The following FAM83E variants were observed in gnomAD, a reference collection of about 807,000 sequenced individuals.
The protein encoded by FAM83E is protein FAM83E.
FAM83E carries 29 observed loss-of-function variants against 34.3 expected under a neutral mutation model. The ratio of observed to expected loss-of-function variants is 0.85; its 90% CI spans 0.63 to 1.15. The LOEUF (loss-of-function observed/expected upper bound fraction) is 1.15. Among genes scored for constraint, FAM83E ranks in the 50% most tolerant of loss-of-function variants. The pLI, the probability that FAM83E is intolerant of heterozygous loss-of-function variation, is 0.00. For missense variants in FAM83E, 697 were observed against 685.0 expected, an observed-to-expected ratio of 1.02 and a Z score of -0.20; for synonymous variants, 312 against 311.6, an observed-to-expected ratio of 1.00 and a Z score of -0.01.
In FAM83E at chr19:48,614,644, G is replaced by A; in HGVS notation, c.-1255-17C>T. On this transcript the variant is annotated splice_polypyrimidine_tract_variant and intron_variant, in intron 2 of 6. Coordinates refer to ENST00000263266, the MANE Select transcript of FAM83E (RefSeq NM_017708.4). ...AGCAGGGAGCTGCAAAGAGAAGAAAGGAGTCAAGGCAGGCCAGCCTCCCCG... is the reference window on the plus strand; with the variant it reads ...AGCAGGGAGCTGCAAAGAGAAGAAAAGAGTCAAGGCAGGCCAGCCTCCCCG... The A allele has an allele frequency of 1.0e-6, 1 of 983,618 alleles. No individual in the cohort carries two copies. Among genetic ancestry groups the A allele is most frequent in the Non-Finnish European group, 1.2e-6 (1 of 828,846 alleles). 60.9% of individuals were successfully genotyped at this position (983,618 alleles called of 1,614,324 possible).
rs188762504 is a variant in FAM83E, at chr19:48,614,089, C to T, written c.-717G>A. The stretch of plus-strand genomic sequence containing the variant: ...TCTCACCCGCAGACCAGCCAGGATG[C>T]CTCTCCACTGGGCCTGCTCGCTCAG... On this transcript the variant is annotated 5_prime_UTR_variant, in exon 3 of 7. Transcript: ENST00000263266. The T allele has an allele frequency of 1.7e-3, 1,661 of 985,762 alleles. 2 individuals carry two copies. The highest frequency in any genetic ancestry group is 1.8e-3 in the Non-Finnish European group (1,503 of 830,188). 61.1% of individuals were successfully genotyped at this position (985,762 alleles called of 1,614,324 possible). A position where few individuals can be genotyped will look rare whatever the true frequency, so the allele number is the denominator to read the frequency against.
rs1243466750 is a variant in FAM83E at position 48,602,732 on chromosome 19, T to A, written c.1176+762A>T. ...ATATATATATATATATATATATATA[T>A]ATATATATATATATATATATAGCTT... On this transcript the variant is annotated intron_variant, in intron 6 of 6. Coordinates refer to ENST00000263266, the MANE Select transcript of FAM83E (RefSeq NM_017708.4). 1.3e-3 allele frequency among the ~76,000 whole-genome samples: 131 copies of A among 100,584 alleles called. 13 individuals carry two copies. Among genetic ancestry groups the A allele is most frequent in the African/African-American group, 3.6e-3 (88 of 24,618 alleles). The allele number at this position is 100,584 out of a possible 152,430, so 66.0% of individuals were successfully genotyped here. A position where few individuals can be genotyped will look rare whatever the true frequency, so the allele number is the denominator to read the frequency against.
In FAM83E at chr19:48,601,198, C is replaced by T. The variant is rs78207410; in HGVS notation, c.1348G>A (p.Gly450Ser). The T allele has an allele frequency of 1.9e-5, 30 of 1,612,342 alleles. No homozygotes were observed. The highest frequency in any genetic ancestry group is 8.9e-5 in the East Asian group (4 of 44,814). The part of the protein sequence containing the change: ...RYLSPARRRF[G>S]GDATFKLQEP... ...TGAAGTTTGAATGTAGCATCCCCAC[C>T]GAACCGCCTTCGGGCTGGGGACAGA... The change falls in exon 7 of 7, where the codon GGT becomes AGT. Residue 450 changes from glycine (G) to serine (S), a missense_variant. By Grantham distance (56) the Gly-to-Ser change is moderately conservative. Transcript: ENST00000263266.
intron 5 of FAM83E, among the ~76,000 whole-genome samples, chr19:48,604,299 C>T (rs1322424736): frequency 1.4e-5 from 2 of 142,758 alleles, no homozygotes; most frequent in African/African-American, 5.3e-5. Flanking sequence ...GAGACTGAGG[C>T]GGGAGGATCC....
At chr19:48,605,672 T>A (rs1973914249) in intron 5 of FAM83E, among the ~76,000 whole-genome samples, 1 of 150,672 alleles carries the variant, frequency 6.6e-6, no homozygotes, top group Admixed American at 6.6e-5. Context: ...GGTTCAAGCC[T>A]CCCAAGTAGC....
rs1316048162 is a variant in FAM83E, at chr19:48,600,357, A to C, written c.*752T>G. 2.6e-5 allele frequency among the ~76,000 whole-genome samples: 4 copies of C among 152,186 alleles called. No individual in the cohort carries two copies. Among genetic ancestry groups the C allele is most frequent in the African/African-American group, 9.6e-5 (4 of 41,460 alleles). ...GCCCAAGTCCTTTTTTTTGTTTGAG[A>C]TGAAATCTCGCTCTGTCACCCAGGC... On this transcript the variant is annotated 3_prime_UTR_variant, in exon 7 of 7. Transcript: ENST00000263266.
At chr19:48,610,905 CAG>C in intron 3 of FAM83E, 58 bp from the exon 4 acceptor site, 1 of 1,523,028 alleles carries the variant, frequency 6.6e-7, no homozygotes, top group South Asian at 1.2e-5. Context: ...AGGGGACACT[CAG>C]AGGGTGTGGG....
Position 48,613,638 on chromosome 19 carries a change from C to A in FAM83E, c.-266G>T, listed in dbSNP as rs1974092464. ...CGCCACCTGCCTGCACCCAGTGGCA[C>A]CATGCCTGGCTGGCCTTCCGTGACC... is the stretch of plus-strand genomic sequence containing the variant. On this transcript the variant is annotated 5_prime_UTR_variant, in exon 3 of 7. Transcript: ENST00000263266. 1 of 1,326,486 alleles carries A rather than the reference C, an allele frequency of 7.5e-7. No homozygotes were observed. Among genetic ancestry groups the A allele is most frequent in the South Asian group, 2.0e-5 (1 of 49,656 alleles). The allele number at this position is 1,326,486 out of a possible 1,614,324, so 82.2% of individuals were successfully genotyped here.
intron 6 of FAM83E, among the ~76,000 whole-genome samples, chr19:48,602,705 ATATATATATATATATATATATATATATAT>A (rs1205634736): frequency 1.0e-4 from 3 of 29,428 alleles, no homozygotes; most frequent in African/African-American, 5.1e-4. Flanking sequence ...AAAAAAAAAA[ATATATATATATATATATATATATATATAT>A]ATATATATAT....
intron 3 of FAM83E, among the ~76,000 whole-genome samples, chr19:48,611,154 G>GTT (rs1974034607): frequency 6.6e-6 from 1 of 150,722 alleles, no homozygotes; most frequent in Admixed American, 6.6e-5. Context: ...TGTTTTTGTT[G>GTT]TTGTTGTTGT....
chr19:48,606,969 C>A (rs1003024631), intron 5 of FAM83E: 19 of 1,601,198 alleles, frequency 1.2e-5, no homozygotes, highest in Non-Finnish European at 1.6e-5. Context: ...GTCAACGCCG[C>A]CAGGCCGCCA....
intron 5 of FAM83E, among the ~76,000 whole-genome samples, chr19:48,605,072 C>A (rs560244393): frequency 6.7e-6 from 1 of 148,704 alleles, no homozygotes; most frequent in South Asian, 2.1e-4. Context: ...GGAGTTTAAA[C>A]CCAGGCTCTG....
Position 48,601,116 on chromosome 19 carries a change from T to C in FAM83E, c.1430A>G (p.Gln477Arg). The C allele has an allele frequency of 6.2e-7, 1 of 1,610,908 alleles. No homozygotes were observed. The highest frequency in any genetic ancestry group is 8.5e-7 in the Non-Finnish European group (1 of 1,179,018). The change falls in exon 7 of 7, where the codon CAA becomes CGA. Residue 477 changes from glutamine to arginine, a missense_variant. Gln to Arg is a conservative substitution (Grantham distance 43). Transcript: ENST00000263266. ...TTTGGCTTGGGCTCCTGTTCAGGGT[T>C]GCCCCCCAAGTCCTGCCCGGGGGGC... The part of the protein sequence containing the change: ...DWAPRAGLGG[Q>R]P
chr19:48,609,643 C>T (rs1974004462), intron 5 of FAM83E, among the ~76,000 whole-genome samples: 1 of 152,122 alleles, frequency 6.6e-6, no homozygotes, highest in African/African-American at 2.4e-5. Context: ...CCCAGTTTTC[C>T]AGATAAGAAA....
In FAM83E at chr19:48,612,406, C is replaced by CTT. The variant is rs922905255; in HGVS notation, c.465+500_465+501dup. Among the ~76,000 whole-genome samples, 14 of 140,634 alleles carry CTT rather than the reference C, an allele frequency of 1.0e-4. No individual in the cohort carries two copies. The South Asian group carries it at 1.6e-3, about 16-fold the overall frequency. 92.3% of individuals were successfully genotyped at this position (140,634 alleles called of 152,430 possible). On this transcript the variant is annotated intron_variant, in intron 3 of 6. Coordinates refer to ENST00000263266, the MANE Select transcript of FAM83E (RefSeq NM_017708.4). ...GGAGGGTAGGGGCCCCCATTTCTTTCTTTTTTTTTTTTTATTGAGATGGAG... is the reference window on the plus strand; with the variant it reads ...GGAGGGTAGGGGCCCCCATTTCTTTCTTTTTTTTTTTTTTTATTGAGATGGAG...
chr19:48,606,552 C>A (rs76698783), intron 5 of FAM83E, among the ~76,000 whole-genome samples: 98 of 152,292 alleles, frequency 6.4e-4, no homozygotes, highest in Non-Finnish European at 1.1e-3. Flanking sequence ...ACAGAGAATG[C>A]GGACAAGCTT....
At chr19:48,608,362 C>T (rs1184159277) in intron 5 of FAM83E, among the ~76,000 whole-genome samples, 2 of 152,050 alleles carry the variant, frequency 1.3e-5, no homozygotes. Context: ...ATCCTCCTGC[C>T]TCAGCCTCCC....
At chr19:48,608,447 T>A (rs959905638) in intron 5 of FAM83E, among the ~76,000 whole-genome samples, 34 of 146,806 alleles carry the variant, frequency 2.3e-4, no homozygotes, top group Admixed American at 4.0e-4. Flanking sequence ...CTTTTTTTTT[T>A]TTTTTTTTAT....
intron 5 of FAM83E, chr19:48,607,688 T>A (rs1973960811): frequency 3.7e-6 from 1 of 267,528 alleles, no homozygotes; most frequent in Admixed American, 4.8e-5. Context: ...ATATATATCA[T>A]AATAAATGAC....
Sources: gnomAD v4.1 joint callset for allele counts (sites outside exome capture counted in the v4.1 genomes callset) on GRCh38, gnomAD v4.1.1 for gene constraint, MANE v1.5 for transcripts, NCBI Gene and HGNC (gene_info 2026-07-23, HGNC 2026-07-21) for gene names.